The following COPB2 variants were observed in gnomAD, a reference collection of about 807,000 sequenced individuals.
COPB2 encodes coat protein complex I subunit beta 2.
COPB2 carries 16 observed loss-of-function variants against 120.8 expected under a neutral mutation model. That is an observed-to-expected ratio of 0.13 (90% CI 0.09 to 0.20). COPB2 has a LOEUF of 0.20. Ranked by LOEUF, COPB2 falls within the 10% of genes least tolerant of loss-of-function variation. The pLI is 1.00. For synonymous variants in COPB2, 332 were observed against 366.3 expected (o/e 0.91, Z 1.07); for missense variants, 794 against 1,076.5 (o/e 0.74, Z 3.67).
At chr3:139,381,624 G>A (rs1457591619) in intron 2 of COPB2, 2 of 152,128 alleles carry the variant, frequency 1.3e-5, no homozygotes, top group Non-Finnish European at 2.9e-5. Context: ...GAAAGGGGAA[G>A]CAGATGGTCC....
intron 17 of COPB2, 132 bp from the exon 18 acceptor site, chr3:139,359,494 AC>A: frequency 2.6e-6 from 2 of 754,992 alleles, no homozygotes; most frequent in East Asian, 5.4e-5. Flanking sequence ...CATTTCTGTC[AC>A]TTGTCTTTTA....
At chr3:139,387,271 A>G (rs1941942758) in intron 1 of COPB2, among the ~76,000 whole-genome samples, 2 of 149,206 alleles carry the variant, frequency 1.3e-5, no homozygotes, top group African/African-American at 5.2e-5. Context: ...AAAGAAAAAG[A>G]AAAGAAAGAA....
intron 1 of COPB2, among the ~76,000 whole-genome samples, chr3:139,388,694 C>G (rs1383175482): frequency 6.8e-6 from 1 of 147,650 alleles, no homozygotes; most frequent in Non-Finnish European, 1.5e-5. Flanking sequence ...GGTGCGACCT[C>G]GGCTCACTGC....
In COPB2 at chr3:139,378,200, AG is replaced by A. The variant is rs1576377043; in HGVS notation, c.356-12del. 1 of 1,531,534 alleles carries A rather than the reference AG, an allele frequency of 6.5e-7. No individual in the cohort carries two copies. Among genetic ancestry groups the A allele is most frequent in the Non-Finnish European group, 8.9e-7 (1 of 1,122,332 alleles). The allele number at this position is 1,531,534 out of a possible 1,614,324, so 94.9% of individuals were successfully genotyped here. A position where few individuals can be genotyped will look rare whatever the true frequency, so the allele number is the denominator to read the frequency against. The stretch of plus-strand genomic sequence containing the variant: ...TAATAAGCATGTCATCTAGGCCAAA[AG>A]AAAGTCTCAAGTTAGTTGTAATTCT... On this transcript the variant is annotated splice_polypyrimidine_tract_variant and intron_variant, in intron 4 of 21. Transcript: ENST00000333188.
intron 2 of COPB2, chr3:139,382,806 T>C (rs1941838666): frequency 5.7e-6 from 1 of 175,428 alleles, no homozygotes; most frequent in South Asian, 1.3e-4. Context: ...AGAGAATGAG[T>C]CAAGCATTCA....
intron 10 of COPB2, 64 bp downstream of exon 10, chr3:139,371,659 C>A: frequency 7.2e-7 from 1 of 1,383,484 alleles, no homozygotes; most frequent in South Asian, 1.2e-5. Flanking sequence ...CCTTGAGAGT[C>A]TTCAAGCAGC....
intron 14 of COPB2, 112 bp downstream of exon 14, chr3:139,366,903 C>G: frequency 6.8e-7 from 1 of 1,475,524 alleles, no homozygotes; most frequent in Non-Finnish European, 9.2e-7. Context: ...CAATAGGCAA[C>G]CTACTAAAAC....
rs1560015641 is a variant in COPB2 at position 139,368,181 on chromosome 3, C to T, written c.1509G>A (p.Glu503=). ...CTTCAATGCCATCTTCAGTAACTCC[C>T]TCATGTGTTTCCTGTGCAGCCAAGA... ...EKVLAAQETH[E]GVTEDGIEDA... The change falls in exon 13 of 22, where the codon GAG becomes GAA. Residue 503 remains glutamate (E), a synonymous_variant. Transcript: ENST00000333188. The T allele has an allele frequency of 6.2e-7, 1 of 1,613,736 alleles. No individual in the cohort carries two copies. Among genetic ancestry groups the T allele is most frequent in the Non-Finnish European group, 8.5e-7 (1 of 1,179,868 alleles).
chr3:139,382,236 G>A (rs995996229), intron 2 of COPB2: 5 of 152,184 alleles, frequency 3.3e-5, no homozygotes, highest in South Asian at 2.1e-4. Context: ...TGCCGTTCTC[G>A]TGATAGTGAC....
chr3:139,389,490 T>C, intron 1 of COPB2, 58 bp downstream of exon 1: 1 of 1,518,478 alleles, frequency 6.6e-7, no homozygotes, highest in Non-Finnish European at 8.9e-7. Context: ...GTCCAGAAGC[T>C]CCAGGAATCG....
At position 139,357,620 on chromosome 3, in the gene COPB2, CT is replaced by C; in HGVS notation, c.*242del. ...TTCAAAAGGTTTTATGAGATATGGT[CT>C]AATAGTATGAAAAAAATCAAAGCCC... On this transcript the variant is annotated 3_prime_UTR_variant, in exon 22 of 22. Coordinates refer to ENST00000333188, the MANE Select transcript of COPB2 (RefSeq NM_004766.3). 1 of 358,432 alleles carries C rather than the reference CT, an allele frequency of 2.8e-6. No individual in the cohort carries two copies. The highest frequency in any genetic ancestry group is 5.0e-6 in the Non-Finnish European group (1 of 201,114). 22.2% of individuals were successfully genotyped at this position (358,432 alleles called of 1,614,324 possible).
At chr3:139,362,597 C>A in intron 15 of COPB2, 80 bp from the exon 16 acceptor site, 1 of 729,468 alleles carries the variant, frequency 1.4e-6, no homozygotes, top group Non-Finnish European at 2.0e-6. Flanking sequence ...TATACACACA[C>A]ATATACAGTG....
intron 14 of COPB2, 28 bp downstream of exon 14, chr3:139,366,987 G>C (rs1388848919): frequency 3.6e-5 from 57 of 1,591,026 alleles, no homozygotes; most frequent in Non-Finnish European, 4.8e-5. Flanking sequence ...TTAAAATTTA[G>C]GACAAATGCA....
intron 2 of COPB2, chr3:139,379,756 C>T (rs563752970): frequency 1.3e-5 from 4 of 316,264 alleles, no homozygotes; most frequent in African/African-American, 8.8e-5. Flanking sequence ...TCACCTTTGG[C>T]TACTCCCAGC....
chr3:139,373,116 A>G (rs958527886), intron 9 of COPB2, 97 bp downstream of exon 9: 4 of 1,218,402 alleles, frequency 3.3e-6, no homozygotes, highest in Non-Finnish European at 4.8e-6. Context: ...TTGAGGAATG[A>G]TTAGAGATGC....
intron 16 of COPB2, among the ~76,000 whole-genome samples, chr3:139,362,198 C>G (rs1373587899): frequency 6.6e-6 from 1 of 152,074 alleles, no homozygotes; most frequent in Non-Finnish European, 1.5e-5. Flanking sequence ...AATTAGAGTG[C>G]TAAGAATATC....
chr3:139,366,514 T>C (rs1941518271), intron 15 of COPB2, 54 bp downstream of exon 15: 1 of 1,489,392 alleles, frequency 6.7e-7, no homozygotes. Flanking sequence ...CATAATAATT[T>C]GCTTTCAAAT....
intron 16 of COPB2, among the ~76,000 whole-genome samples, chr3:139,362,166 G>A (rs1346228819): frequency 6.6e-6 from 1 of 151,904 alleles, no homozygotes. Context: ...CATAAGATAT[G>A]AAAACAATTT....
At position 139,389,627 on chromosome 3, in the gene COPB2, T is replaced by C; in HGVS notation, c.-77A>G. On this transcript the variant is annotated 5_prime_UTR_variant, in exon 1 of 22. Transcript: ENST00000333188. ...CCTTGAGATAAACCCACCGATCCAC[T>C]GACCGTCAGACTGACTGACGTGGAA... The C allele has an allele frequency of 1.4e-6, 2 of 1,433,464 alleles. No individual in the cohort carries two copies. The highest frequency in any genetic ancestry group is 2.5e-5 in the East Asian group (1 of 39,926). 88.8% of individuals were successfully genotyped at this position (1,433,464 alleles called of 1,614,324 possible).
Sources: gnomAD v4.1 joint callset for allele counts (sites outside exome capture counted in the v4.1 genomes callset) on GRCh38, gnomAD v4.1.1 for gene constraint, MANE v1.5 for transcripts, NCBI Gene and HGNC (gene_info 2026-07-23, HGNC 2026-07-21) for gene names.